KIAA1328: variants seen among roughly 807,000 people sequenced by gnomAD.
The protein encoded by KIAA1328 is KIAA1328.
Under a neutral mutation model 68.1 loss-of-function variants are expected in KIAA1328, and 52 were observed. The ratio of observed to expected loss-of-function variants is 0.76; its 90% confidence interval spans 0.61 to 0.96. The LOEUF is 0.96. Among genes scored for constraint, KIAA1328 ranks in the 40% least tolerant of loss-of-function variants. The pLI is 0.00. For missense variants in KIAA1328, 641 were observed against 677.6 expected, an observed-to-expected ratio of 0.95 and a Z score of 0.60; for synonymous variants, 232 against 239.4, an observed-to-expected ratio of 0.97 and a Z score of 0.28.
rs150944476 is a variant in KIAA1328, at chr18:36,842,252, C to T, written c.238-1956C>T. ...GACCTCTGGTGATGGGACACCAACC[C>T]GGCTGGTACTGCCATTTCTGAGGAG... On this transcript the variant is annotated intron_variant, in intron 3 of 9. Transcript: ENST00000280020. Among the ~76,000 whole-genome samples, 1,230 of 152,216 alleles carry T rather than the reference C, an allele frequency of 8.1e-3. 14 individuals carry two copies. Among genetic ancestry groups the T allele is most frequent in the Non-Finnish European group, 0.014 (927 of 68,020 alleles).
chr18:37,129,433 CAAAAAGTCAATAGTTATT>C (rs2058469967), intron 7 of KIAA1328, among the ~76,000 whole-genome samples: 1 of 152,024 alleles, frequency 6.6e-6, no homozygotes, highest in South Asian at 2.1e-4. Context: ...ACATGATAAG[CAAAAAGTCAATAGTTATT>C]TTCATTTTGC....
At chr18:37,140,408 A>G (rs1030716526) in intron 7 of KIAA1328, among the ~76,000 whole-genome samples, 1 of 152,162 alleles carries the variant, frequency 6.6e-6, no homozygotes, top group Admixed American at 6.5e-5. Flanking sequence ...ATGGTATTCA[A>G]TTGGTCCTGA....
chr18:37,167,175 G>C (rs2059405971), intron 8 of KIAA1328, among the ~76,000 whole-genome samples: 1 of 152,152 alleles, frequency 6.6e-6, no homozygotes, highest in African/African-American at 2.4e-5. Flanking sequence ...GCAGGTTGTG[G>C]GGCTCTGACC....
chr18:37,026,426 A>G (rs971314086), intron 6 of KIAA1328, among the ~76,000 whole-genome samples: 2 of 152,208 alleles, frequency 1.3e-5, no homozygotes, highest in African/African-American at 4.8e-5. Context: ...ACAAAAAAAG[A>G]GAATTTTAGA....
At chr18:37,182,896 G>A (rs1174854932) in intron 9 of KIAA1328, among the ~76,000 whole-genome samples, 1 of 152,006 alleles carries the variant, frequency 6.6e-6, no homozygotes, top group Non-Finnish European at 1.5e-5. Context: ...CTGTGCTCTG[G>A]GAAACAAGAC....
chr18:37,090,947 T>G (rs920337598), intron 7 of KIAA1328, among the ~76,000 whole-genome samples: 3 of 152,112 alleles, frequency 2.0e-5, no homozygotes, highest in African/African-American at 7.2e-5. Flanking sequence ...AAACTTGAAA[T>G]AGCCTCAATT....
At chr18:36,866,930 C>G (rs929757575) in intron 4 of KIAA1328, among the ~76,000 whole-genome samples, 2 of 152,158 alleles carry the variant, frequency 1.3e-5, no homozygotes, top group Non-Finnish European at 2.9e-5. Context: ...TCCACTAACA[C>G]TATTTTGGAG....
intron 5 of KIAA1328, 29 bp downstream of exon 5, chr18:36,885,701 C>T (rs527417871): frequency 3.3e-5 from 46 of 1,376,862 alleles, no homozygotes; most frequent in Middle Eastern, 3.8e-4. Context: ...TCTTTTTTAA[C>T]GTTCAAGAAG....
At chr18:37,219,172 T>C (rs1209552166) in intron 9 of KIAA1328, among the ~76,000 whole-genome samples, 1 of 152,188 alleles carries the variant, frequency 6.6e-6, no homozygotes, top group African/African-American at 2.4e-5. Context: ...ATTGCAGAAC[T>C]GCAATATTGC....
chr18:37,088,097 A>T (rs2057158728), intron 7 of KIAA1328, among the ~76,000 whole-genome samples: 1 of 152,136 alleles, frequency 6.6e-6, no homozygotes, highest in African/African-American at 2.4e-5. Flanking sequence ...GTTCTCTGAC[A>T]TGTTTCAGCT....
intron 5 of KIAA1328, among the ~76,000 whole-genome samples, chr18:36,953,200 T>A (rs917378373): frequency 6.8e-6 from 1 of 147,976 alleles, no homozygotes; most frequent in East Asian, 2.0e-4. Context: ...AATATGCATA[T>A]ATAATTGTAT....
At chr18:36,896,899 G>T (rs1256215064) in intron 5 of KIAA1328, among the ~76,000 whole-genome samples, 1 of 152,026 alleles carries the variant, frequency 6.6e-6, no homozygotes, top group African/African-American at 2.4e-5. Flanking sequence ...TATAGTGAGT[G>T]ACTTTATTAT....
chr18:37,139,518 T>G (rs2058721717), intron 7 of KIAA1328, among the ~76,000 whole-genome samples: 1 of 152,174 alleles, frequency 6.6e-6, no homozygotes, highest in Non-Finnish European at 1.5e-5. Flanking sequence ...AATGCTAGTT[T>G]ATGGTTATTA....
intron 6 of KIAA1328, among the ~76,000 whole-genome samples, chr18:36,961,831 G>A (rs918383478): frequency 2.0e-5 from 3 of 152,140 alleles, no homozygotes; most frequent in Non-Finnish European, 2.9e-5. Flanking sequence ...AACATGGAAG[G>A]GAACAACTGG....
rs2017027 is a variant in KIAA1328 at position 37,225,231 on chromosome 18, C to G, written c.*3004C>G. 2.0e-6 allele frequency: 2 copies of G among 985,366 alleles called. No individual in the cohort carries two copies. The highest frequency in any genetic ancestry group is 9.4e-5 in the South Asian group (2 of 21,284). 61.0% of individuals were successfully genotyped at this position (985,366 alleles called of 1,614,324 possible). A position where few individuals can be genotyped will look rare whatever the true frequency, so the allele number is the denominator to read the frequency against. Reference sequence around the variant, plus strand: ...GGAGGCTGTGGCGGACTCCTTCCAACTCACGATTTATCCTCAGCTCAGAGT... The same window carrying G: ...GGAGGCTGTGGCGGACTCCTTCCAAGTCACGATTTATCCTCAGCTCAGAGT... On this transcript the variant is annotated 3_prime_UTR_variant, in exon 10 of 10. Transcript: ENST00000280020.
downstream of KIAA1328, chr18:37,230,934 T>G (rs1329282530): frequency 6.6e-6 from 1 of 152,216 alleles, no homozygotes; most frequent in African/African-American, 2.4e-5. Flanking sequence ...ACCGGAACTG[T>G]CAGCATCTTG....
intron 5 of KIAA1328, among the ~76,000 whole-genome samples, chr18:36,937,826 G>C (rs72888908): frequency 0.14 from 20,705 of 151,812 alleles, 1,767 homozygotes; most frequent in Admixed American, 0.18. Flanking sequence ...TTCATGAGAT[G>C]TACTGTTTTA....
chr18:37,178,254 T>G (rs910607313), intron 9 of KIAA1328, among the ~76,000 whole-genome samples: 3 of 152,146 alleles, frequency 2.0e-5, no homozygotes, highest in African/African-American at 7.2e-5. Context: ...TACTCACTGC[T>G]TCTATGAGAT....
intron 6 of KIAA1328, among the ~76,000 whole-genome samples, chr18:37,011,393 C>T (rs1316007625): frequency 2.0e-5 from 3 of 152,130 alleles, no homozygotes; most frequent in African/African-American, 4.8e-5. Flanking sequence ...TATTCTCGCA[C>T]TCCAGATCCA....
Sources: gnomAD v4.1 joint callset for allele counts (sites outside exome capture counted in the v4.1 genomes callset) on GRCh38, gnomAD v4.1.1 for gene constraint, MANE v1.5 for transcripts, NCBI Gene and HGNC (gene_info 2026-07-23, HGNC 2026-07-21) for gene names.